Variants in ZC3H13 observed in about 807,000 individuals in gnomAD.
ZC3H13 encodes zinc finger CCCH domain-containing protein 13.
A neutral mutation model predicts 204.1 loss-of-function variants in ZC3H13; 64 were observed. The ratio of observed to expected loss-of-function variants is 0.31; its 90% confidence interval spans 0.26 to 0.39. The LOEUF is 0.39. Ranked by LOEUF, ZC3H13 falls within the 10% of genes least tolerant of loss-of-function variation. The pLI is 1.00. For missense variants in ZC3H13, 1,833 were observed against 2,082.7 expected (o/e 0.88, Z 2.33); for synonymous variants, 667 against 693.7 (o/e 0.96, Z 0.60).
chr13:45,969,721 G>T lies in ZC3H13; in HGVS notation c.2823C>A (p.His941Gln). The T allele has an allele frequency of 6.2e-7, 1 of 1,613,672 alleles. No homozygotes were observed. Among genetic ancestry groups the T allele is most frequent in the Non-Finnish European group, 8.5e-7 (1 of 1,179,984 alleles). ...RMRAQDIIGHHQSEDRETSDR... is the reference protein window; with the variant it reads ...RMRAQDIIGHQQSEDRETSDR... The stretch of plus-strand genomic sequence containing the variant: ...CAGATGTCTCTCGATCTTCAGACTG[G>T]TGGTGTCCTATAATGTCCTGTGCAC... Residue 941 changes from histidine to glutamine, a missense_variant, in exon 14 of 19, where the codon CAC (histidine) becomes CAA (glutamine). This residue lies in a region of ZC3H13 where 1,574 missense variants were observed against 1,757.2 expected (regional missense o/e 0.90). Coordinates refer to ENST00000679008, the MANE Select transcript of ZC3H13 (RefSeq NM_001330564.2).
At chr13:46,015,106 C>A (rs1313226613) in intron 5 of ZC3H13, among the ~76,000 whole-genome samples, 1 of 152,106 alleles carries the variant, frequency 6.6e-6, no homozygotes, top group Non-Finnish European at 1.5e-5. Context: ...AGTATAATTT[C>A]TATTTCTAAT....
intron 5 of ZC3H13, among the ~76,000 whole-genome samples, chr13:46,013,859 A>G (rs1432543541): frequency 3.3e-5 from 5 of 152,190 alleles, no homozygotes; most frequent in Non-Finnish European, 7.4e-5. Flanking sequence ...GCAACACATA[A>G]GAAAAGGTTA....
At chr13:46,018,299 T>A (rs2042031864) in intron 5 of ZC3H13, among the ~76,000 whole-genome samples, 1 of 152,136 alleles carries the variant, frequency 6.6e-6, no homozygotes, top group Admixed American at 6.6e-5. Context: ...GAAGACTGAA[T>A]AATAAGTATC....
rs7320209 is a variant in ZC3H13 at position 45,967,680 on chromosome 13, G to A, written c.4145C>T (p.Ser1382Phe). 9.9e-6 allele frequency: 16 copies of A among 1,613,846 alleles called. No homozygotes were observed. Among genetic ancestry groups the A allele is most frequent in the Admixed American group, 1.7e-5 (1 of 59,976 alleles). Residue 1382 changes from serine (S) to phenylalanine (F), a missense_variant, in exon 15 of 19, where the codon TCT becomes TTT. This residue lies in a region of ZC3H13 where 1,574 missense variants were observed against 1,757.2 expected (regional missense o/e 0.90). Coordinates refer to ENST00000679008, the MANE Select transcript of ZC3H13 (RefSeq NM_001330564.2). The stretch of plus-strand genomic sequence containing the variant: ...ACAGCGTTTCACAGACTCTATTTGA[G>A]AACTCTCAAAAGTTCTGTCTCTGTC... ...DRDRDRTFES[S>F]QIESVKRCEA...
In ZC3H13 at chr13:46,011,513, A is replaced by G. The variant is rs1024050899; in HGVS notation, c.490T>C (p.Leu164=). The change falls in exon 6 of 19, where the codon TTG becomes CTG. Residue 164 remains leucine (L), a synonymous_variant. Coordinates refer to ENST00000679008, the MANE Select transcript of ZC3H13 (RefSeq NM_001330564.2). The stretch of plus-strand genomic sequence containing the variant: ...TTCTGACGCTTCATTTCCAATGACA[A>G]TTCATGAACATAATCATAATTAATA... ...GDINYDYVHE[L]SLEMKRQKIQ... 2.5e-6 allele frequency: 4 copies of G among 1,597,246 alleles called. No homozygotes were observed. The highest frequency in any genetic ancestry group is 3.4e-6 in the Non-Finnish European group (4 of 1,171,476).
At chr13:46,051,201 T>G (rs1411022410) in intron 1 of ZC3H13, among the ~76,000 whole-genome samples, 1 of 152,220 alleles carries the variant, frequency 6.6e-6, no homozygotes, top group African/African-American at 2.4e-5. Flanking sequence ...AAATTCATAT[T>G]ACAAATATGA....
In ZC3H13 at chr13:46,011,515, T is replaced by G; in HGVS notation, c.488A>C (p.Glu163Ala). 6.3e-7 allele frequency: 1 copy of G among 1,597,690 alleles called. No homozygotes were observed. Among genetic ancestry groups the G allele is most frequent in the South Asian group, 1.1e-5 (1 of 88,436 alleles). The change falls in exon 6 of 19, where the codon GAA becomes GCA. Residue 163 changes from glutamate (E) to alanine (A), a missense_variant. By Grantham distance (107) the Glu-to-Ala change is moderately radical. Transcript: ENST00000679008. Reference protein sequence around the residue: ...NGDINYDYVHELSLEMKRQKI... With the variant: ...NGDINYDYVHALSLEMKRQKI... The stretch of plus-strand genomic sequence containing the variant: ...CTGACGCTTCATTTCCAATGACAAT[T>G]CATGAACATAATCATAATTAATATC...
Position 45,957,301 on chromosome 13 carries a change from T to A in ZC3H13, c.4840-4A>T. 6.8e-7 allele frequency: 1 copy of A among 1,477,916 alleles called. No individual in the cohort carries two copies. The highest frequency in any genetic ancestry group is 9.1e-7 in the Non-Finnish European group (1 of 1,104,780). The allele number at this position is 1,477,916 out of a possible 1,614,324, so 91.6% of individuals were successfully genotyped here. Reference sequence around the variant, plus strand: ...TGTAAGCTTGTTTTATGGTGCCCTATTTGAAGAAAACAAAAACAAACTTTA... The same window carrying A: ...TGTAAGCTTGTTTTATGGTGCCCTAATTGAAGAAAACAAAAACAAACTTTA... On this transcript the variant is annotated splice_region_variant and splice_polypyrimidine_tract_variant and intron_variant, in intron 18 of 18. Transcript: ENST00000679008.
intron 7 of ZC3H13, among the ~76,000 whole-genome samples, chr13:46,009,071 T>A (rs2041359443): frequency 6.6e-6 from 1 of 152,128 alleles, no homozygotes; most frequent in Admixed American, 6.6e-5. Flanking sequence ...CAGGCAATTA[T>A]TATCAACATG....
At chr13:46,042,303 A>C (rs1192132781) in intron 3 of ZC3H13, 28 bp from the exon 4 acceptor site, 2 of 1,535,910 alleles carry the variant, frequency 1.3e-6, no homozygotes, top group South Asian at 1.2e-5. Flanking sequence ...GAAACAAAAC[A>C]AAAAACGAAA....
At chr13:46,042,870 AAATT>A (rs990632973) in intron 3 of ZC3H13, among the ~76,000 whole-genome samples, 15 of 152,206 alleles carry the variant, frequency 9.9e-5, no homozygotes, top group African/African-American at 3.6e-4. Context: ...CTTAAATTTT[AAATT>A]ATTTCAGAAT....
chr13:46,033,522 A>G (rs565511090), intron 4 of ZC3H13, among the ~76,000 whole-genome samples: 71 of 152,190 alleles, frequency 4.7e-4, no homozygotes, highest in African/African-American at 1.7e-3. Context: ...TAATAAAATC[A>G]AAGTTAAGTA....
chr13:45,975,406 T>C lies in ZC3H13; in HGVS notation c.2345A>G (p.Lys782Arg), dbSNP rs1482430972. Residue 782 changes from lysine to arginine, a missense_variant, in exon 12 of 19, where the codon AAA becomes AGA. Around this residue, in one of 5 missense-constraint regions of ZC3H13, gnomAD observed 1,574 missense variants for 1,757.2 expected, o/e 0.90. Coordinates refer to ENST00000679008, the MANE Select transcript of ZC3H13 (RefSeq NM_001330564.2). The stretch of plus-strand genomic sequence containing the variant: ...CCAATCCCTTTGGCGTTCTCGTTCT[T>C]TATCCCTTTCTCTCGCTCTTTCTCG... ...RERERARERD[K>R]ERERQRDWED... 1.2e-6 allele frequency: 2 copies of C among 1,614,070 alleles called. No homozygotes were observed. The highest frequency in any genetic ancestry group is 1.7e-6 in the Non-Finnish European group (2 of 1,180,000).
intron 10 of ZC3H13, among the ~76,000 whole-genome samples, chr13:45,982,870 C>A (rs1275632292): frequency 6.6e-6 from 1 of 152,104 alleles, no homozygotes; most frequent in Non-Finnish European, 1.5e-5. Context: ...GGATGCTCAA[C>A]CTGAACCTGG....
At chr13:45,964,596 T>C (rs547168386) in intron 16 of ZC3H13, among the ~76,000 whole-genome samples, 11 of 152,292 alleles carry the variant, frequency 7.2e-5, no homozygotes, top group African/African-American at 9.6e-5. Context: ...ATAACAATCA[T>C]ACATACCTTC....
intron 10 of ZC3H13, among the ~76,000 whole-genome samples, chr13:45,981,831 A>T (rs1423046965): frequency 7.0e-6 from 1 of 142,572 alleles, no homozygotes; most frequent in Non-Finnish European, 1.5e-5. Flanking sequence ...GAACACATGG[A>T]CACAGGAAGG....
intron 9 of ZC3H13, among the ~76,000 whole-genome samples, chr13:45,987,118 G>A (rs188789568): frequency 1.3e-5 from 2 of 151,978 alleles, no homozygotes; most frequent in Admixed American, 6.6e-5. Context: ...TTACAAATAC[G>A]TCTAGGTACT....
At chr13:45,959,837 A>G (rs1412812699) in intron 17 of ZC3H13, among the ~76,000 whole-genome samples, 191 bp from the exon 18 acceptor site, 2 of 152,234 alleles carry the variant, frequency 1.3e-5, no homozygotes, top group African/African-American at 4.8e-5. Flanking sequence ...AGTCTCAAAC[A>G]AGAATAAATA....
chr13:45,967,328 T>A (rs534092531), intron 15 of ZC3H13, among the ~76,000 whole-genome samples, 176 bp downstream of exon 15: 114 of 152,302 alleles, frequency 7.5e-4, no homozygotes, highest in Admixed American at 1.6e-3. Flanking sequence ...ATTAAAAAAA[T>A]ATATATATCT....
Sources: gnomAD v4.1 joint callset for allele counts (sites outside exome capture counted in the v4.1 genomes callset) on GRCh38, gnomAD v4.1.1 for gene constraint, gnomAD v4.1.1 regional missense constraint, MANE v1.5 for transcripts, NCBI Gene and HGNC (gene_info 2026-07-23, HGNC 2026-07-21) for gene names.